The following MYO16 variants were observed in gnomAD, a reference collection of about 807,000 sequenced individuals.
The protein encoded by MYO16 is myosin XVI, also known as unconventional myosin-XVI.
In MYO16, 94 loss-of-function variants were observed where a neutral mutation model predicts 205.3. That is an observed-to-expected ratio of 0.46 (90% CI 0.39 to 0.54). The LOEUF is 0.54. Among genes scored for constraint, MYO16 ranks in the 20% least tolerant of loss-of-function variants. MYO16 has a pLI of 0.00. For missense variants in MYO16, 2,315 were observed against 2,387.5 expected (o/e 0.97, Z 0.63); for synonymous variants, 988 against 954.0 (o/e 1.04, Z -0.66).
upstream of MYO16, among the ~76,000 whole-genome samples, chr13:108,594,908 T>A (rs1878501740): frequency 6.6e-6 from 1 of 152,238 alleles, no homozygotes; most frequent in Non-Finnish European, 1.5e-5. Context: ...TCTGATGATA[T>A]GATTCACAGA....
intron 23 of MYO16, among the ~76,000 whole-genome samples, chr13:109,044,563 A>T (rs1886980183): frequency 6.6e-6 from 1 of 152,178 alleles, no homozygotes. Context: ...CATACCTGTT[A>T]TATAGTATGC....
intron 13 of MYO16, among the ~76,000 whole-genome samples, chr13:108,888,017 G>T (rs768152570): frequency 7.2e-5 from 11 of 152,090 alleles, no homozygotes; most frequent in Non-Finnish European, 8.8e-5. Flanking sequence ...CTTCTTCTCA[G>T]CCTGACACCT....
the MYO16 span, among the ~76,000 whole-genome samples, chr13:108,538,297 TAGG>T: frequency 2.6e-5 from 4 of 151,992 alleles, no homozygotes; most frequent in African/African-American, 7.2e-5. Context: ...ACTGTGCAGA[TAGG>T]AGAAGTAATC....
intron 20 of MYO16, among the ~76,000 whole-genome samples, chr13:108,969,789 AT>A (rs887162981): frequency 1.3e-5 from 2 of 151,612 alleles, no homozygotes; most frequent in African/African-American, 2.4e-5. Context: ...ATTGTTAAAT[AT>A]TTTTTTTTCT....
intron 34 of MYO16, among the ~76,000 whole-genome samples, chr13:109,205,328 T>A (rs1167341343): frequency 2.0e-5 from 3 of 152,228 alleles, no homozygotes; most frequent in African/African-American, 7.2e-5. Flanking sequence ...GGGGAAACAG[T>A]AGGCTCAGGT....
intron 4 of MYO16, among the ~76,000 whole-genome samples, chr13:108,760,988 CT>C (rs1168628828): frequency 6.6e-6 from 1 of 152,182 alleles, no homozygotes; most frequent in Non-Finnish European, 1.5e-5. Context: ...ATCCATGTTA[CT>C]GCAAATGACA....
At chr13:108,766,828 A>C (rs1885791891) in intron 4 of MYO16, among the ~76,000 whole-genome samples, 1 of 151,972 alleles carries the variant, frequency 6.6e-6, no homozygotes, top group African/African-American at 2.4e-5. Flanking sequence ...AGCTCTTTGG[A>C]GTTTGTCCTT....
At chr13:108,633,807 T>C (rs550428491) in intron 1 of MYO16, among the ~76,000 whole-genome samples, 3 of 152,324 alleles carry the variant, frequency 2.0e-5, no homozygotes, top group African/African-American at 7.2e-5. Context: ...TTTCTAGCTA[T>C]CGCACACACT....
At chr13:109,046,690 G>C (rs1431272) in intron 23 of MYO16, among the ~76,000 whole-genome samples, 29,570 of 152,128 alleles carry the variant, frequency 0.19, 3,225 homozygotes, top group Non-Finnish European at 0.25. Flanking sequence ...GCAATCAAAG[G>C]AGACCTTCAC....
intron 10 of MYO16, among the ~76,000 whole-genome samples, chr13:108,846,840 T>C (rs1258112788): frequency 6.6e-6 from 1 of 152,160 alleles, no homozygotes; most frequent in East Asian, 1.9e-4. Flanking sequence ...ATTGATTTCC[T>C]ACTGTTCAAA....
chr13:108,951,697 T>A (rs1435476529), intron 16 of MYO16, among the ~76,000 whole-genome samples: 4 of 152,178 alleles, frequency 2.6e-5, no homozygotes, highest in Non-Finnish European at 4.4e-5. Context: ...TATAAATTAA[T>A]AAACAATGGC....
intron 34 of MYO16, among the ~76,000 whole-genome samples, chr13:109,199,474 A>C (rs1221175048): frequency 6.6e-6 from 1 of 152,018 alleles, no homozygotes; most frequent in Admixed American, 6.6e-5. Flanking sequence ...CTGTGTACAA[A>C]GACTATTATA....
chr13:109,036,899 C>T (rs1886735292), intron 23 of MYO16, among the ~76,000 whole-genome samples: 1 of 152,164 alleles, frequency 6.6e-6, no homozygotes, highest in African/African-American at 2.4e-5. Flanking sequence ...TTTCATCCCA[C>T]AAATAATAAA....
intron 2 of MYO16, among the ~76,000 whole-genome samples, chr13:108,700,319 C>G (rs1926508): frequency 7.1e-6 from 1 of 141,072 alleles, no homozygotes. Flanking sequence ...GCAACAACAG[C>G]GAAACTCTGT....
At chr13:108,568,309 C>T in the MYO16 span, among the ~76,000 whole-genome samples, 3 of 152,032 alleles carry the variant, frequency 2.0e-5, no homozygotes, top group African/African-American at 7.2e-5. Context: ...TTTTAAATTC[C>T]ACCAGCAATG....
At chr13:109,195,974 A>G (rs544922426) in intron 34 of MYO16, among the ~76,000 whole-genome samples, 4 of 152,316 alleles carry the variant, frequency 2.6e-5, no homozygotes, top group Non-Finnish European at 5.9e-5. Flanking sequence ...TAAATAATCA[A>G]TAAACCTCAT....
chr13:108,892,268 A>C (rs1303464512), intron 14 of MYO16, among the ~76,000 whole-genome samples: 2 of 152,132 alleles, frequency 1.3e-5, no homozygotes, highest in African/African-American at 4.8e-5. Flanking sequence ...TTTTTTTGAA[A>C]TGGAGTCTTG....
At chr13:108,743,525 T>C (rs1884972559) in intron 4 of MYO16, among the ~76,000 whole-genome samples, 1 of 152,216 alleles carries the variant, frequency 6.6e-6, no homozygotes, top group Non-Finnish European at 1.5e-5. Flanking sequence ...TATTAGCCAA[T>C]GTATAGTCAT....
chr13:108,961,627 T>A lies in MYO16; in HGVS notation c.2126T>A (p.Phe709Tyr), dbSNP rs1236988453. 6.2e-7 allele frequency: 1 copy of A among 1,614,034 alleles called. No homozygotes were observed. The highest frequency in any genetic ancestry group is 8.5e-7 in the Non-Finnish European group (1 of 1,179,920). Reference protein sequence around the residue: ...FTALNEGNSAFVSDLQLLEQV... With the variant: ...FTALNEGNSAYVSDLQLLEQV... ...GCCCTGAATGAGGGGAACTCCGCCT[T>A]CGTTTCTGACCTCCAGCTCCTGGAA... The change falls in exon 18 of 35, where the codon TTC (phenylalanine) becomes TAC (tyrosine). Residue 709 changes from phenylalanine to tyrosine, a missense_variant. Phe to Tyr is a conservative substitution (Grantham distance 22). Coordinates refer to ENST00000457511, the MANE Select transcript of MYO16 (RefSeq NM_001198950.3).
Sources: allele counts gnomAD v4.1 joint callset (sites outside exome capture counted in the v4.1 genomes callset), GRCh38; gene constraint gnomAD v4.1.1; transcripts MANE v1.5; gene names NCBI Gene and HGNC (gene_info 2026-07-23, HGNC 2026-07-21).